Variants in PLEKHA8 observed in about 807,000 individuals in gnomAD.
The protein encoded by PLEKHA8 is pleckstrin homology domain containing A8.
In PLEKHA8, 36 loss-of-function variants were observed where a neutral mutation model predicts 68.2. The observed-to-expected ratio is 0.53, with a 90% confidence interval of 0.40 to 0.70. The LOEUF (loss-of-function observed/expected upper bound fraction) is 0.70. PLEKHA8 is among the 30% of genes least tolerant of loss of function. PLEKHA8 has a pLI of 0.00. For synonymous variants in PLEKHA8, 211 were observed against 216.1 expected (o/e 0.98, Z 0.20); for missense variants, 505 against 615.4 (o/e 0.82, Z 1.90).
At chr7:30,067,778 A>T (rs182309871) in intron 12 of PLEKHA8, among the ~76,000 whole-genome samples, 1 of 152,184 alleles carries the variant, frequency 6.6e-6, no homozygotes, top group African/African-American at 2.4e-5. Context: ...GACTTTAGCC[A>T]CTGTTGAAGT....
At chr7:30,117,670 C>T (rs1469797235) in intron 13 of PLEKHA8, among the ~76,000 whole-genome samples, 1 of 152,120 alleles carries the variant, frequency 6.6e-6, no homozygotes, top group Non-Finnish European at 1.5e-5. Flanking sequence ...TGCCACTGTA[C>T]TCCATCCAGC....
chr7:30,058,658 A>T (rs1428602720), intron 9 of PLEKHA8, among the ~76,000 whole-genome samples: 1 of 152,096 alleles, frequency 6.6e-6, no homozygotes, highest in Non-Finnish European at 1.5e-5. Flanking sequence ...TAATTATTAT[A>T]AGGCTTGAAA....
At chr7:30,029,252 T>G (rs1465738619) in intron 1 of PLEKHA8, among the ~76,000 whole-genome samples, 1 of 152,226 alleles carries the variant, frequency 6.6e-6, no homozygotes, top group Non-Finnish European at 1.5e-5. Flanking sequence ...TTTATCAAAG[T>G]CCTCAGTGCA....
chr7:30,073,975 G>T (rs1794435713), intron 12 of PLEKHA8, 96 bp from the exon 13 acceptor site: 3 of 983,070 alleles, frequency 3.1e-6, no homozygotes, highest in Non-Finnish European at 4.5e-6. Flanking sequence ...GACAGAGCAA[G>T]ACCCTGTCTC....
At chr7:30,112,840 ACAGTGAG>A (rs879593486) in intron 13 of PLEKHA8, among the ~76,000 whole-genome samples, 1 of 152,004 alleles carries the variant, frequency 6.6e-6, no homozygotes, top group Non-Finnish European at 1.5e-5. Context: ...GTTCAAGGCT[ACAGTGAG>A]CTGTGATATA....
chr7:30,129,343 A>G (rs1271399704), exon 14 of PLEKHA8: 5 of 1,612,504 alleles, frequency 3.1e-6, no homozygotes, highest in Admixed American at 1.7e-5. Context: ...GAAGCCACAC[A>G]CTAAGGACGG....
intron 1 of PLEKHA8, among the ~76,000 whole-genome samples, chr7:30,041,951 A>G (rs963730843): frequency 1.3e-5 from 2 of 151,966 alleles, no homozygotes; most frequent in African/African-American, 4.8e-5. Context: ...AAAATTGATG[A>G]TGTGATGGTT....
chr7:30,115,721 C>CATGCAT (rs1206911134), intron 13 of PLEKHA8: 1 of 113,628 alleles, frequency 8.8e-6, no homozygotes, highest in East Asian at 2.2e-4. Context: ...TACGCGCATG[C>CATGCAT]ATGCATACAC....
chr7:30,107,832 G>A (rs1796118958), intron 13 of PLEKHA8, among the ~76,000 whole-genome samples: 1 of 152,068 alleles, frequency 6.6e-6, no homozygotes, highest in Admixed American at 6.5e-5. Flanking sequence ...ACTTTGGGAG[G>A]CCAAGGTGGG....
chr7:30,055,427 T>C, intron 9 of PLEKHA8, 85 bp downstream of exon 9: 3 of 1,173,516 alleles, frequency 2.6e-6, no homozygotes, highest in Admixed American at 3.4e-5. Context: ...TACCCCAAAC[T>C]ATGTGTACAG....
At chr7:30,090,288 G>A in exon 13 of PLEKHA8, 1 of 1,319,678 alleles carries the variant, frequency 7.6e-7, no homozygotes, top group Non-Finnish European at 1.0e-6. Context: ...CTTTCCACAA[G>A]ATTCTGTGAC....
chr7:30,084,869 T>TAA (rs1795112913), downstream of PLEKHA8, among the ~76,000 whole-genome samples: 2 of 152,026 alleles, frequency 1.3e-5, no homozygotes, highest in South Asian at 4.1e-4. Flanking sequence ...GCCCCTTGCC[T>TAA]AAGATCCCAC....
At chr7:30,072,385 A>G (rs1369698462) in intron 12 of PLEKHA8, among the ~76,000 whole-genome samples, 2 of 152,236 alleles carry the variant, frequency 1.3e-5, no homozygotes, top group Non-Finnish European at 2.9e-5. Flanking sequence ...GAAAATTTGA[A>G]TATGTAAAAT....
At chr7:30,071,376 G>A (rs1392958008) in intron 12 of PLEKHA8, among the ~76,000 whole-genome samples, 3 of 152,092 alleles carry the variant, frequency 2.0e-5, no homozygotes, top group Non-Finnish European at 2.9e-5. Flanking sequence ...TGCTCGCTCT[G>A]TCTGCCGCAC....
rs577290743 is a variant in PLEKHA8, at chr7:30,083,808, G to A, written c.*5021G>A. 1.0e-6 allele frequency: 1 copy of A among 985,392 alleles called. No homozygotes were observed. Among genetic ancestry groups the A allele is most frequent in the South Asian group, 4.7e-5 (1 of 21,282 alleles). 61.0% of individuals were successfully genotyped at this position (985,392 alleles called of 1,614,324 possible). ...AGTTCATATATTTAAAGTGTGGTCAGTATTTCCTCCCTGTACCTTACAAAC... is the reference window on the plus strand; with the variant it reads ...AGTTCATATATTTAAAGTGTGGTCAATATTTCCTCCCTGTACCTTACAAAC... On this transcript the variant is annotated 3_prime_UTR_variant, in exon 14 of 14. Coordinates refer to ENST00000449726, the MANE Select transcript of PLEKHA8 (RefSeq NM_001197026.2).
chr7:30,118,053 C>A, intron 13 of PLEKHA8: 2 of 1,500,748 alleles, frequency 1.3e-6, no homozygotes, highest in Non-Finnish European at 1.8e-6. Flanking sequence ...GACATGATGA[C>A]CCAGCATGAG....
At chr7:30,093,770 A>G (rs1795503458), downstream of PLEKHA8, among the ~76,000 whole-genome samples, 1 of 152,200 alleles carries the variant, frequency 6.6e-6, no homozygotes, top group Admixed American at 6.5e-5. Context: ...TGCCTGCCGC[A>G]TGCATGGGTA....
chr7:30,120,343 G>A (rs111733065), intron 13 of PLEKHA8, among the ~76,000 whole-genome samples: 18 of 152,262 alleles, frequency 1.2e-4, no homozygotes, highest in South Asian at 4.1e-4. Flanking sequence ...GGAAAGTAAC[G>A]TACAAAAAAG....
intron 12 of PLEKHA8, 41 bp from the exon 13 acceptor site, chr7:30,074,030 C>G (rs771802268): frequency 1.3e-5 from 20 of 1,520,768 alleles, no homozygotes; most frequent in African/African-American, 4.2e-5. Context: ...ACATCAAATT[C>G]TGATGAAAGT....
Sources: allele counts gnomAD v4.1 joint callset (sites outside exome capture counted in the v4.1 genomes callset), GRCh38; gene constraint gnomAD v4.1.1; transcripts MANE v1.5; gene names NCBI Gene and HGNC (gene_info 2026-07-23, HGNC 2026-07-21).